Variants in PRORP observed in about 807,000 individuals in gnomAD.
The protein encoded by PRORP is protein only RNase P catalytic subunit, also known as mitochondrial ribonuclease P catalytic subunit.
PRORP carries 51 observed loss-of-function variants against 59.4 expected under a neutral mutation model. The observed-to-expected ratio is 0.86, with a 90% CI of 0.69 to 1.08. PRORP has a LOEUF of 1.08. Ranked by LOEUF, PRORP falls within the 50% of genes least tolerant of loss-of-function variation. The pLI is 0.00. For synonymous variants in PRORP, 231 were observed against 245.6 expected, an observed-to-expected ratio of 0.94 and a Z score of 0.55; for missense variants, 646 against 690.3, an observed-to-expected ratio of 0.94 and a Z score of 0.72.
chr14:35,210,639 C>G (rs1049179411), intron 5 of PRORP, among the ~76,000 whole-genome samples: 3 of 150,308 alleles, frequency 2.0e-5, no homozygotes, highest in Non-Finnish European at 4.4e-5. Flanking sequence ...CTAGAAATAC[C>G]TAAGTCACCA....
At chr14:35,152,687 G>T (rs1257583229) in intron 4 of PRORP, among the ~76,000 whole-genome samples, 1 of 151,658 alleles carries the variant, frequency 6.6e-6, no homozygotes, top group Middle Eastern at 3.4e-3. Context: ...GGCGGCTGCC[G>T]GGCGGAGGGG....
intron 4 of PRORP, among the ~76,000 whole-genome samples, chr14:35,171,958 T>C (rs955553413): frequency 2.0e-5 from 3 of 152,184 alleles, no homozygotes; most frequent in African/African-American, 7.2e-5. Context: ...TTGTGCTTTT[T>C]GGTTCTGTAA....
At chr14:35,195,277 TAC>T (rs1194304215) in intron 5 of PRORP, among the ~76,000 whole-genome samples, 6 of 152,138 alleles carry the variant, frequency 3.9e-5, no homozygotes, top group Non-Finnish European at 7.4e-5. Flanking sequence ...TACATAAAGA[TAC>T]ATAATTTTCA....
chr14:35,240,984 T>C (rs1386542517), intron 5 of PRORP, among the ~76,000 whole-genome samples: 2 of 152,230 alleles, frequency 1.3e-5, no homozygotes, highest in Admixed American at 1.3e-4. Context: ...ACAGACTTTT[T>C]TTCTTGTCAT....
At chr14:35,224,341 C>G (rs2049876527) in intron 5 of PRORP, among the ~76,000 whole-genome samples, 1 of 152,104 alleles carries the variant, frequency 6.6e-6, no homozygotes, top group South Asian at 2.1e-4. Flanking sequence ...AGCAAATATT[C>G]ATTTAGAACT....
intron 5 of PRORP, among the ~76,000 whole-genome samples, chr14:35,209,934 T>C (rs1485343632): frequency 2.6e-5 from 4 of 152,218 alleles, no homozygotes; most frequent in Admixed American, 2.0e-4. Context: ...TCTAGTTTCA[T>C]ACCCCACTAA....
chr14:35,238,325 GC>G (rs2050273820), intron 5 of PRORP, among the ~76,000 whole-genome samples: 1 of 152,112 alleles, frequency 6.6e-6, no homozygotes, highest in East Asian at 1.9e-4. Flanking sequence ...TATCTAGACC[GC>G]CCCTCACTGG....
intron 4 of PRORP, among the ~76,000 whole-genome samples, chr14:35,150,729 T>C (rs763525182): frequency 2.6e-5 from 4 of 152,162 alleles, no homozygotes; most frequent in Non-Finnish European, 5.9e-5. Context: ...ATGAAAATTA[T>C]GTGTGGCTAT....
intron 5 of PRORP, among the ~76,000 whole-genome samples, chr14:35,183,630 T>A (rs182625770): frequency 6.0e-4 from 92 of 152,272 alleles, no homozygotes; most frequent in African/African-American, 2.1e-3. Flanking sequence ...GTATATATAT[T>A]TTTAAAGATC....
At chr14:35,155,893 A>G (rs773455048) in intron 4 of PRORP, among the ~76,000 whole-genome samples, 1 of 152,246 alleles carries the variant, frequency 6.6e-6, no homozygotes, top group Non-Finnish European at 1.5e-5. Context: ...AACGCACAAG[A>G]TAAAATTTCT....
chr14:35,195,269 C>T (rs2048980398), intron 5 of PRORP, among the ~76,000 whole-genome samples: 1 of 151,882 alleles, frequency 6.6e-6, no homozygotes, highest in South Asian at 2.1e-4. Context: ...TGCACAGGTA[C>T]ATAAAGATAC....
chr14:35,136,525 C>T (rs2047378795), intron 4 of PRORP, among the ~76,000 whole-genome samples: 1 of 145,246 alleles, frequency 6.9e-6, no homozygotes, highest in Non-Finnish European at 1.5e-5. Context: ...CAGGCATGCA[C>T]CACCACACCC....
intron 5 of PRORP, among the ~76,000 whole-genome samples, chr14:35,213,833 A>G (rs967053413): frequency 1.3e-5 from 2 of 152,236 alleles, no homozygotes; most frequent in African/African-American, 2.4e-5. Context: ...GACAGATATA[A>G]TAATAATGAA....
intron 5 of PRORP, among the ~76,000 whole-genome samples, chr14:35,199,455 G>C (rs910084228): frequency 6.6e-6 from 1 of 152,116 alleles, no homozygotes; most frequent in African/African-American, 2.4e-5. Flanking sequence ...CCTTTAGGAG[G>C]TGATTAGGTC....
intron 5 of PRORP, among the ~76,000 whole-genome samples, chr14:35,236,908 TCTC>T (rs1469002049): frequency 6.6e-6 from 1 of 151,648 alleles, no homozygotes; most frequent in Non-Finnish European, 1.5e-5. Context: ...TCTCTCTCTC[TCTC>T]ATCTTCTTTC....
intron 5 of PRORP, among the ~76,000 whole-genome samples, chr14:35,203,862 C>T (rs78299323): frequency 0.077 from 11,693 of 151,532 alleles, 526 homozygotes; most frequent in Non-Finnish European, 0.1. Flanking sequence ...GACTCCATCT[C>T]GAAAAAAAAG....
chr14:35,270,356 C>T (rs752288198), intron 6 of PRORP, 45 bp from the exon 7 acceptor site: 2 of 1,570,618 alleles, frequency 1.3e-6, no homozygotes, highest in Non-Finnish European at 1.7e-6. Flanking sequence ...TGTCCTCTGC[C>T]TCTTCAGCTG....
intron 5 of PRORP, among the ~76,000 whole-genome samples, chr14:35,218,482 A>AAAC (rs2049672020): frequency 6.8e-6 from 1 of 146,404 alleles, no homozygotes; most frequent in Non-Finnish European, 1.5e-5. Context: ...AAAAAAAAAA[A>AAAC]AAACCAACAA....
rs1232257864 is a variant in PRORP, at chr14:35,210,780, T to C, written c.1275+30003T>C. The stretch of plus-strand genomic sequence containing the variant: ...TTTTTTTTTTTTTTTTTTTTTTTTT[T>C]TTAAGACAAAGTCCCCTTCTGTTTC... On this transcript the variant is annotated intron_variant, in intron 5 of 7. Coordinates refer to ENST00000534898, the MANE Select transcript of PRORP (RefSeq NM_014672.4). Among the ~76,000 whole-genome samples, 5 of 54,228 alleles carry C rather than the reference T, an allele frequency of 9.2e-5. No homozygotes were observed. In the East Asian group the frequency reaches 2.4e-3, roughly 26 times the overall value. The allele number at this position is 54,228 out of a possible 152,430, so 35.6% of individuals were successfully genotyped here. A position where few individuals can be genotyped will look rare whatever the true frequency, so the allele number is the denominator to read the frequency against.
Sources: allele counts gnomAD v4.1 joint callset (sites outside exome capture counted in the v4.1 genomes callset), GRCh38; gene constraint gnomAD v4.1.1; transcripts MANE v1.5; gene names NCBI Gene and HGNC (gene_info 2026-07-23, HGNC 2026-07-21).